ITGA11: variants seen among roughly 807,000 people sequenced by gnomAD.
ITGA11 encodes the protein integrin subunit alpha 11.
ITGA11 carries 97 observed loss-of-function variants against 141.9 expected under a neutral mutation model. The observed-to-expected ratio is 0.68, with a 90% CI of 0.58 to 0.81. The LOEUF (loss-of-function observed/expected upper bound fraction) is 0.81. Among genes scored for constraint, ITGA11 ranks in the 30% least tolerant of loss-of-function variants. The pLI is 0.00. For synonymous variants in ITGA11, 658 were observed against 624.6 expected, an observed-to-expected ratio of 1.05 and a Z score of -0.80; for missense variants, 1,387 against 1,559.2, an observed-to-expected ratio of 0.89 and a Z score of 1.86.
At chr15:68,403,555 G>T (rs1378561473) in intron 1 of ITGA11, among the ~76,000 whole-genome samples, 1 of 152,168 alleles carries the variant, frequency 6.6e-6, no homozygotes, top group Non-Finnish European at 1.5e-5. Flanking sequence ...ATTAGAAGCA[G>T]ATGCTGGCAC....
intron 1 of ITGA11, among the ~76,000 whole-genome samples, chr15:68,409,851 G>A (rs1171360112): frequency 6.6e-5 from 10 of 152,138 alleles, no homozygotes; most frequent in South Asian, 2.1e-4. Flanking sequence ...GCTAGGAAGC[G>A]GCCAGGATGA....
chr15:68,332,223 C>T, intron 13 of ITGA11, 115 bp downstream of exon 13: 2 of 1,342,932 alleles, frequency 1.5e-6, no homozygotes, highest in Non-Finnish European at 2.0e-6. Flanking sequence ...TCTGATTCTC[C>T]CCAGGCCTGG....
intron 2 of ITGA11, among the ~76,000 whole-genome samples, chr15:68,395,283 G>A (rs1323355558): frequency 3.9e-5 from 6 of 152,272 alleles, no homozygotes; most frequent in Non-Finnish European, 7.3e-5. Context: ...CCAAAGGATC[G>A]CAGATCCTCA....
At chr15:68,405,923 C>T (rs2140417479) in intron 1 of ITGA11, among the ~76,000 whole-genome samples, 1 of 152,308 alleles carries the variant, frequency 6.6e-6, no homozygotes, top group East Asian at 1.9e-4. Flanking sequence ...CACACACACA[C>T]AGACACACAC....
intron 20 of ITGA11, among the ~76,000 whole-genome samples, chr15:68,318,544 G>A (rs1595855940): frequency 6.6e-6 from 1 of 152,198 alleles, no homozygotes; most frequent in African/African-American, 2.4e-5. Context: ...TGGGGCCCAG[G>A]CCTGGGCCTG....
intron 21 of ITGA11, among the ~76,000 whole-genome samples, chr15:68,316,769 G>A (rs1181985973): frequency 6.6e-6 from 1 of 152,192 alleles, no homozygotes; most frequent in Non-Finnish European, 1.5e-5. Context: ...GCTGCCTGCT[G>A]CCCAGGGCTG....
intron 7 of ITGA11, among the ~76,000 whole-genome samples, chr15:68,353,324 G>A (rs2140335630): frequency 6.6e-6 from 1 of 152,292 alleles, no homozygotes; most frequent in South Asian, 2.1e-4. Flanking sequence ...AGTATGTGCT[G>A]TGGACTGAAA....
At position 68,307,198 on chromosome 15, in the gene ITGA11, G is replaced by C; in HGVS notation, c.3381+150C>G. The C allele has an allele frequency of 1.6e-6, 1 of 617,712 alleles. No homozygotes were observed. Among genetic ancestry groups the C allele is most frequent in the Non-Finnish European group, 2.8e-6 (1 of 353,002 alleles). The allele number at this position is 617,712 out of a possible 1,614,324, so 38.3% of individuals were successfully genotyped here. Reference sequence around the variant, plus strand: ...TCTTGCTTTTTTCCCTCTTTTCAGCGGCTGCCCTAACAGCCCACAGGTCTG... The same window carrying C: ...TCTTGCTTTTTTCCCTCTTTTCAGCCGCTGCCCTAACAGCCCACAGGTCTG... On this transcript the variant is annotated intron_variant, in intron 28 of 29. Transcript: ENST00000315757. The surrounding 1 kb of genome is among the most constrained non-coding windows in gnomAD (Gnocchi z 6.1).
intron 2 of ITGA11, among the ~76,000 whole-genome samples, chr15:68,378,426 A>G (rs113178882): frequency 0.012 from 1,820 of 152,232 alleles, 43 homozygotes; most frequent in African/African-American, 0.04. Context: ...AGGAGCATCA[A>G]TTGAGACCAG....
At position 68,325,927 on chromosome 15, in the gene ITGA11, GCCAGCC is replaced by G. The variant is rs1012583434; in HGVS notation, c.2212-692_2212-687del. Among the ~76,000 whole-genome samples, 1 of 150,044 alleles carries G rather than the reference GCCAGCC, an allele frequency of 6.7e-6. No homozygotes were observed. Among genetic ancestry groups the G allele is most frequent in the Non-Finnish European group, 1.5e-5 (1 of 67,982 alleles). On this transcript the variant is annotated intron_variant, in intron 17 of 29. Coordinates refer to ENST00000315757, the MANE Select transcript of ITGA11 (RefSeq NM_001004439.2). This position sits in a 1 kb window ranked among gnomAD's most constrained non-coding sequence, Gnocchi z 5.5. The stretch of plus-strand genomic sequence containing the variant: ...GCTTGTTAAAACACAGGGTGCTGGC[GCCAGCC>G]CCAGCCCCAGCCCCAGAGTTTCTGA...
chr15:68,363,091 G>T (rs1183795559), intron 4 of ITGA11, among the ~76,000 whole-genome samples: 1 of 152,188 alleles, frequency 6.6e-6, no homozygotes, highest in Admixed American at 6.5e-5. Flanking sequence ...TAAATGGAAA[G>T]ATGGATGATT....
At chr15:68,387,977 A>G (rs1186664158) in intron 2 of ITGA11, among the ~76,000 whole-genome samples, 5 of 152,024 alleles carry the variant, frequency 3.3e-5, no homozygotes, top group African/African-American at 9.7e-5. Context: ...CCTGATGCAC[A>G]TGTGGGTCTC....
chr15:68,336,275 AG>A (rs1209704626), intron 11 of ITGA11, among the ~76,000 whole-genome samples: 8 of 152,146 alleles, frequency 5.3e-5, no homozygotes, highest in Non-Finnish European at 8.8e-5. Context: ...GAGACTAACC[AG>A]GGTTCTCTTT....
rs1292317854 is a variant in ITGA11 at position 68,400,719 on chromosome 15, T to A, written c.164+2199A>T. ...TATATTATATAATAAATATTATATA[T>A]TATATAATAAATATTATATATTATA... On this transcript the variant is annotated intron_variant, in intron 2 of 29. Coordinates refer to ENST00000315757, the MANE Select transcript of ITGA11 (RefSeq NM_001004439.2). 3.5e-4 allele frequency among the ~76,000 whole-genome samples: 8 copies of A among 23,104 alleles called. 2 individuals are homozygous for A. The highest frequency in any genetic ancestry group is 5.0e-4 in the Non-Finnish European group (8 of 16,112). 15.2% of individuals were successfully genotyped at this position (23,104 alleles called of 152,430 possible). A position where few individuals can be genotyped will look rare whatever the true frequency, so the allele number is the denominator to read the frequency against.
At chr15:68,330,891 G>C in intron 15 of ITGA11, 90 bp downstream of exon 15, 1 of 1,496,700 alleles carries the variant, frequency 6.7e-7, no homozygotes, top group Non-Finnish European at 9.2e-7. Context: ...AAAGACAAGA[G>C]ACAAAGATCC....
chr15:68,404,096 T>C (rs1896578963), intron 1 of ITGA11, among the ~76,000 whole-genome samples: 1 of 151,908 alleles, frequency 6.6e-6, no homozygotes, highest in Non-Finnish European at 1.5e-5. Flanking sequence ...TGGTCTCCTC[T>C]TTTTTTTCCC....
At chr15:68,375,352 T>A (rs1293876154) in intron 2 of ITGA11, among the ~76,000 whole-genome samples, 2 of 152,234 alleles carry the variant, frequency 1.3e-5, no homozygotes, top group African/African-American at 4.8e-5. Context: ...ATTCCTTTAG[T>A]GAGGCCTTTC....
chr15:68,330,875 GC>G, intron 15 of ITGA11, 105 bp downstream of exon 15: 3 of 1,307,552 alleles, frequency 2.3e-6, no homozygotes, highest in Non-Finnish European at 3.2e-6. Context: ...CTAGCTGAGG[GC>G]AGTTAAAGAC....
chr15:68,362,615 T>A (rs1196606092), intron 4 of ITGA11, among the ~76,000 whole-genome samples: 1 of 151,944 alleles, frequency 6.6e-6, no homozygotes, highest in Non-Finnish European at 1.5e-5. Context: ...GAATGATGTA[T>A]AGATGGATGG....
Sources: allele counts gnomAD v4.1 joint callset (sites outside exome capture counted in the v4.1 genomes callset), GRCh38; gene constraint gnomAD v4.1.1; non-coding constraint Gnocchi (gnomAD v3.1); transcripts MANE v1.5; gene names NCBI Gene and HGNC (gene_info 2026-07-23, HGNC 2026-07-21).